Variants in ADORA2B observed in about 807,000 individuals in gnomAD.
ADORA2B encodes the protein adenosine receptor A2b.
Under a neutral mutation model 20.8 loss-of-function variants are expected in ADORA2B, and 18 were observed. That is an observed-to-expected ratio of 0.87 (90% CI 0.60 to 1.29). The LOEUF (loss-of-function observed/expected upper bound fraction) is 1.29. ADORA2B is among the 50% of genes most tolerant of loss of function. The probability of loss-of-function intolerance (pLI) is 0.00; values close to 1 mark genes in which losing one functional copy is unlikely to be tolerated. For missense variants in ADORA2B, 441 were observed against 422.7 expected, an observed-to-expected ratio of 1.04 and a Z score of -0.38; for synonymous variants, 179 against 178.3, an observed-to-expected ratio of 1.00 and a Z score of -0.03.
In ADORA2B at chr17:15,975,319, C is replaced by T; in HGVS notation, c.976C>T (p.Pro326Ser). Residue 326 changes from proline (P) to serine (S), a missense_variant, in exon 2 of 2, where the codon CCT becomes TCT. Transcript: ENST00000304222. ...TGGGAATGGTCAGGCTGGGGTACAG[C>T]CTGCTCTCGGTGTGGGCCTATGATC... is the stretch of plus-strand genomic sequence containing the variant. ...KSGNGQAGVQ[P>S]ALGVGL is the part of the protein sequence containing the mutation. 3 of 1,612,432 alleles carry T rather than the reference C, an allele frequency of 1.9e-6. No homozygotes were observed. Among genetic ancestry groups the T allele is most frequent in the East Asian group, 2.2e-5 (1 of 44,874 alleles).
chr17:15,887,041 G>A, the ADORA2B span, among the ~76,000 whole-genome samples: 18,787 of 129,862 alleles, frequency 0.14, 5,334 homozygotes, highest in South Asian at 0.29. Context: ...AATGCTGCGG[G>A]TGGGGCCTCC....
chr17:15,857,211 T>TG, the ADORA2B span, among the ~76,000 whole-genome samples: 1 of 152,218 alleles, frequency 6.6e-6, no homozygotes, highest in Non-Finnish European at 1.5e-5. Flanking sequence ...GTTGGGCCTG[T>TG]GGGTACACAG....
At chr17:15,878,816 C>T in the ADORA2B span, among the ~76,000 whole-genome samples, 1 of 151,932 alleles carries the variant, frequency 6.6e-6, no homozygotes, top group Non-Finnish European at 1.5e-5. Context: ...TAGCAAATTC[C>T]TTTTTGGCAG....
the ADORA2B span, among the ~76,000 whole-genome samples, chr17:15,878,617 A>G: frequency 2.0e-5 from 3 of 152,098 alleles, no homozygotes; most frequent in East Asian, 5.8e-4. Flanking sequence ...TTTTGGGTTT[A>G]TTGCATTCAT....
chr17:15,943,182 G>T (rs539563313), upstream of ADORA2B, among the ~76,000 whole-genome samples: 1 of 152,100 alleles, frequency 6.6e-6, no homozygotes, highest in Non-Finnish European at 1.5e-5. Flanking sequence ...AAAACCTCAA[G>T]GGAAATAGAA....
chr17:15,881,627 T>G, the ADORA2B span, among the ~76,000 whole-genome samples: 1 of 152,216 alleles, frequency 6.6e-6, no homozygotes, highest in Non-Finnish European at 1.5e-5. Context: ...CATTTTGCTT[T>G]GTCTCTGAAT....
chr17:15,852,748 G>A, the ADORA2B span, among the ~76,000 whole-genome samples: 2 of 152,108 alleles, frequency 1.3e-5, no homozygotes, highest in Admixed American at 6.5e-5. Context: ...AAGTTTACCT[G>A]TAGATTAAAC....
chr17:15,927,518 G>A, the ADORA2B span, among the ~76,000 whole-genome samples: 2 of 151,874 alleles, frequency 1.3e-5, no homozygotes. Flanking sequence ...GTGGTGGCGG[G>A]TGCCTGTAAT....
At chr17:15,917,695 G>T in the ADORA2B span, among the ~76,000 whole-genome samples, 1 of 152,248 alleles carries the variant, frequency 6.6e-6, no homozygotes, top group Non-Finnish European at 1.5e-5. Context: ...GGTGACGGGG[G>T]CTCTGCCGAA....
chr17:15,867,703 C>T, the ADORA2B span, among the ~76,000 whole-genome samples: 1 of 148,752 alleles, frequency 6.7e-6, no homozygotes, highest in Admixed American at 6.6e-5. Flanking sequence ...CCAGCCGCCC[C>T]GTCCGGGAGG....
At chr17:15,888,577 T>A in the ADORA2B span, among the ~76,000 whole-genome samples, 2 of 126,130 alleles carry the variant, frequency 1.6e-5, 1 homozygote, top group Non-Finnish European at 3.3e-5. Context: ...TTTCCCAGAA[T>A]CTGTAACATC....
intron 1 of ADORA2B, among the ~76,000 whole-genome samples, chr17:15,965,641 G>A (rs962227182): frequency 6.6e-6 from 1 of 152,262 alleles, no homozygotes; most frequent in Admixed American, 6.5e-5. Flanking sequence ...AGTGGGAGGA[G>A]AATGACAGTG....
chr17:15,904,391 C>CTT, the ADORA2B span, among the ~76,000 whole-genome samples: 99 of 126,414 alleles, frequency 7.8e-4, no homozygotes, highest in African/African-American at 1.1e-3. Flanking sequence ...TGTACTTCTG[C>CTT]TTTTTTTTTT....
chr17:15,917,116 T>C, the ADORA2B span, among the ~76,000 whole-genome samples: 1 of 152,220 alleles, frequency 6.6e-6, no homozygotes, highest in Non-Finnish European at 1.5e-5. Flanking sequence ...AAGACCAGCC[T>C]GGGCAACAAA....
the ADORA2B span, among the ~76,000 whole-genome samples, chr17:15,852,464 T>TA: frequency 6.6e-6 from 1 of 151,786 alleles, no homozygotes; most frequent in Non-Finnish European, 1.5e-5. Flanking sequence ...ATAGCCACAT[T>TA]AAAAAAATAT....
At chr17:15,932,748 A>G in the ADORA2B span, among the ~76,000 whole-genome samples, 1 of 152,138 alleles carries the variant, frequency 6.6e-6, no homozygotes, top group South Asian at 2.1e-4. Context: ...TCAAATATCA[A>G]TTGACCATAA....
the ADORA2B span, among the ~76,000 whole-genome samples, chr17:15,921,540 C>T: frequency 2.6e-5 from 4 of 152,092 alleles, no homozygotes; most frequent in East Asian, 1.9e-4. Context: ...ATACCAAAGG[C>T]GCAAAGAAAA....
chr17:15,939,289 C>T, the ADORA2B span, among the ~76,000 whole-genome samples: 1 of 152,178 alleles, frequency 6.6e-6, no homozygotes, highest in Non-Finnish European at 1.5e-5. Flanking sequence ...GATCCTCCCT[C>T]CTCTGCCTCC....
chr17:15,949,444 CAG>C (rs1436772096), intron 1 of ADORA2B, among the ~76,000 whole-genome samples: 2 of 151,732 alleles, frequency 1.3e-5, no homozygotes, highest in African/African-American at 4.8e-5. Context: ...ACCCAAGAGA[CAG>C]AGGTTGCCGT....
Sources: allele counts gnomAD v4.1 joint callset (sites outside exome capture counted in the v4.1 genomes callset), GRCh38; gene constraint gnomAD v4.1.1; transcripts MANE v1.5; gene names NCBI Gene and HGNC (gene_info 2026-07-23, HGNC 2026-07-21).